Variants in PECAM1 observed in about 807,000 individuals in gnomAD.
PECAM1 encodes platelet and endothelial cell adhesion molecule 1, also known as platelet endothelial cell adhesion molecule.
PECAM1 carries 8 observed loss-of-function variants against 13.8 expected under a neutral mutation model. The ratio of observed to expected loss-of-function variants is 0.58; its 90% CI spans 0.34 to 1.05. The LOEUF (loss-of-function observed/expected upper bound fraction) is 1.05. Among genes scored for constraint, PECAM1 ranks in the 50% least tolerant of loss-of-function variants. PECAM1 has a pLI of 0.03. For synonymous variants in PECAM1, 136 were observed against 52.6 expected (o/e 2.58, Z -6.86); for missense variants, 304 against 141.2 (o/e 2.15, Z -5.84).
In PECAM1 at chr17:64,319,611, G is replaced by T. The variant is rs1222821218; in HGVS notation, c.*4205C>A. On this transcript the variant is annotated 3_prime_UTR_variant, in exon 16 of 16. Coordinates refer to ENST00000563924, the MANE Select transcript of PECAM1 (RefSeq NM_000442.5). ...ATTCTTCCCTTGCAGCAGGCTGTCCGCGTATGTGGTGACCTGCCAGCACTT... is the reference window on the plus strand; with the variant it reads ...ATTCTTCCCTTGCAGCAGGCTGTCCTCGTATGTGGTGACCTGCCAGCACTT... 1 of 152,114 alleles carries T rather than the reference G, an allele frequency of 6.6e-6. No individual in the cohort carries two copies. The highest frequency in any genetic ancestry group is 1.5e-5 in the Non-Finnish European group (1 of 68,030). The allele number at this position is 152,114 out of a possible 1,614,324, so 9.4% of individuals were successfully genotyped here.
At chr17:64,378,190 C>T (rs1435875641) in intron 2 of PECAM1, 73 bp from the exon 3 acceptor site, 1 of 424,228 alleles carries the variant, frequency 2.4e-6, no homozygotes, top group Non-Finnish European at 4.2e-6. Flanking sequence ...ACCTTCACCA[C>T]ATCAGATGTG....
chr17:64,341,419 A>G (rs888978380), intron 14 of PECAM1, among the ~76,000 whole-genome samples: 3 of 152,208 alleles, frequency 2.0e-5, no homozygotes, highest in African/African-American at 7.2e-5. Flanking sequence ...GTCAGTAAGC[A>G]TTCAAGAAGC....
intron 2 of PECAM1, among the ~76,000 whole-genome samples, chr17:64,385,308 A>G (rs1314273429): frequency 3.3e-5 from 5 of 152,230 alleles, no homozygotes; most frequent in Non-Finnish European, 5.9e-5. Flanking sequence ...CTTGACCTCA[A>G]GGCCACTCAT....
intron 2 of PECAM1, among the ~76,000 whole-genome samples, chr17:64,385,196 G>T: frequency 6.6e-6 from 1 of 152,214 alleles, no homozygotes; most frequent in Non-Finnish European, 1.5e-5. Flanking sequence ...TTTTCAACCC[G>T]GGGAGATGAA....
chr17:64,372,372 C>T (rs1318381115), intron 4 of PECAM1, among the ~76,000 whole-genome samples: 2 of 152,140 alleles, frequency 1.3e-5, no homozygotes, highest in Non-Finnish European at 2.9e-5. Context: ...AGCACTTTGG[C>T]AACATCGAGC....
chr17:64,358,111 C>CTTTTTGTTT (rs2035888284), intron 7 of PECAM1, among the ~76,000 whole-genome samples: 1 of 71,534 alleles, frequency 1.4e-5, no homozygotes, highest in Non-Finnish European at 2.4e-5. Context: ...TGGCCACAGT[C>CTTTTTGTTT]TTTTTTTTTT....
intron 5 of PECAM1, among the ~76,000 whole-genome samples, chr17:64,366,901 C>T (rs1342011836): frequency 6.7e-6 from 1 of 150,038 alleles, no homozygotes; most frequent in Non-Finnish European, 1.5e-5. Flanking sequence ...GTGCGGTACA[C>T]CAGCATGGCA....
chr17:64,335,228 A>T (rs2035247247), intron 14 of PECAM1, among the ~76,000 whole-genome samples: 1 of 152,078 alleles, frequency 6.6e-6, no homozygotes, highest in Non-Finnish European at 1.5e-5. Flanking sequence ...AGGCTCTATG[A>T]CTTGCCCAGG....
At chr17:64,390,087 T>G (rs1178772835) in intron 2 of PECAM1, 2 of 187,388 alleles carry the variant, frequency 1.1e-5, no homozygotes, top group African/African-American at 4.7e-5. Flanking sequence ...CTACTTATAA[T>G]TGTGTTTTTT....
intron 3 of PECAM1, chr17:64,377,569 C>T: frequency 5.4e-6 from 1 of 186,854 alleles, no homozygotes; most frequent in Non-Finnish European, 1.0e-5. Flanking sequence ...CGAGATCACA[C>T]CACTGCACTC....
At chr17:64,383,446 G>A (rs1000570018) in intron 2 of PECAM1, among the ~76,000 whole-genome samples, 1 of 151,618 alleles carries the variant, frequency 6.6e-6, no homozygotes, top group African/African-American at 2.4e-5. Context: ...CCAGTGCCTG[G>A]CCTCTGGTTG....
intron 5 of PECAM1, among the ~76,000 whole-genome samples, chr17:64,369,418 G>A (rs1436739650): frequency 6.6e-6 from 1 of 152,096 alleles, no homozygotes; most frequent in African/African-American, 2.4e-5. Flanking sequence ...TTACAGTATA[G>A]TTATCTCATT....
In PECAM1 at chr17:64,342,869, TCATA is replaced by T. The variant is rs1347239861; in HGVS notation, c.2108-1183_2108-1180del. 6.6e-4 allele frequency among the ~76,000 whole-genome samples: 100 copies of T among 152,084 alleles called. 1 individual carries two copies. The Middle Eastern group carries it at 0.017, about 26-fold the overall frequency. On this transcript the variant is annotated intron_variant, in intron 13 of 15. Coordinates refer to ENST00000563924, the MANE Select transcript of PECAM1 (RefSeq NM_000442.5). ...ATGTGTATACATGCTATGTATACCC[TCATA>T]CAGTGTGTAGGATGTGTCTACACAC...
intron 14 of PECAM1, among the ~76,000 whole-genome samples, chr17:64,339,869 GC>G (rs1211754979): frequency 6.6e-6 from 1 of 152,138 alleles, no homozygotes; most frequent in Non-Finnish European, 1.5e-5. Flanking sequence ...AGTGCTTTTT[GC>G]CTGGCACAGT....
chr17:64,383,905 G>A (rs1332034230), intron 2 of PECAM1, among the ~76,000 whole-genome samples: 4 of 152,146 alleles, frequency 2.6e-5, no homozygotes, highest in African/African-American at 7.2e-5. Flanking sequence ...GCCTAGGTCG[G>A]TGGATCACCT....
intron 4 of PECAM1, 48 bp downstream of exon 4, chr17:64,375,003 C>A: frequency 2.2e-6 from 1 of 463,768 alleles, no homozygotes; most frequent in Non-Finnish European, 3.9e-6. Flanking sequence ...CTCCCCATAC[C>A]AAACCAGAAA....
intron 6 of PECAM1, among the ~76,000 whole-genome samples, chr17:64,360,927 G>T (rs2035961080): frequency 6.7e-6 from 1 of 150,280 alleles, no homozygotes; most frequent in Non-Finnish European, 1.5e-5. Context: ...CCAGAATCAA[G>T]CAATCCTCCT....
At chr17:64,376,135 C>T (rs1274611253) in intron 3 of PECAM1, among the ~76,000 whole-genome samples, 1 of 151,914 alleles carries the variant, frequency 6.6e-6, no homozygotes, top group Non-Finnish European at 1.5e-5. Flanking sequence ...GAAACCCCAT[C>T]TCTATTAAAA....
intron 2 of PECAM1, among the ~76,000 whole-genome samples, chr17:64,386,107 C>T (rs1232348533): frequency 2.0e-5 from 3 of 152,224 alleles, no homozygotes; most frequent in Admixed American, 6.5e-5. Context: ...TGAGTGGACT[C>T]AACAGGACTT....
Sources: allele counts gnomAD v4.1 joint callset (sites outside exome capture counted in the v4.1 genomes callset), GRCh38; gene constraint gnomAD v4.1.1; transcripts MANE v1.5; gene names NCBI Gene and HGNC (gene_info 2026-07-23, HGNC 2026-07-21).